SLC30A8: variants seen among roughly 807,000 people sequenced by gnomAD.
SLC30A8 encodes proton-coupled zinc antiporter SLC30A8.
SLC30A8 carries 27 observed loss-of-function variants against 36.9 expected under a neutral mutation model. The observed-to-expected ratio is 0.73, with a 90% CI of 0.54 to 1.01. The LOEUF is 1.01. Ranked by LOEUF, SLC30A8 falls within the 50% of genes least tolerant of loss-of-function variation. The pLI is 0.00. For synonymous variants in SLC30A8, 164 were observed against 172.4 expected (o/e 0.95, Z 0.38); for missense variants, 439 against 452.0 (o/e 0.97, Z 0.26).
At chr8:117,143,132 G>GAA in intron 1 of SLC30A8, among the ~76,000 whole-genome samples, 1 of 151,908 alleles carries the variant, frequency 6.6e-6, no homozygotes, top group East Asian at 1.9e-4. Context: ...TTATTTTGGA[G>GAA]ATAGAAGCAA....
chr8:117,003,225 C>T (rs1586384932), intron 1 of SLC30A8, among the ~76,000 whole-genome samples: 1 of 152,132 alleles, frequency 6.6e-6, no homozygotes, highest in East Asian at 1.9e-4. Flanking sequence ...TTTAAAATTT[C>T]CCATCAGAGC....
intron 2 of SLC30A8, among the ~76,000 whole-genome samples, chr8:117,051,729 T>G (rs934251613): frequency 1.3e-5 from 2 of 151,838 alleles, no homozygotes; most frequent in Non-Finnish European, 2.9e-5. Context: ...AGGAGAATGG[T>G]GTGAACCCGG....
intron 1 of SLC30A8, among the ~76,000 whole-genome samples, chr8:116,958,494 A>T (rs1814297946): frequency 6.6e-6 from 1 of 152,086 alleles, no homozygotes; most frequent in African/African-American, 2.4e-5. Context: ...TTTAAAGATG[A>T]TTCTTCACTG....
At chr8:117,137,997 C>T (rs1215450429) in intron 1 of SLC30A8, among the ~76,000 whole-genome samples, 3 of 149,410 alleles carry the variant, frequency 2.0e-5, no homozygotes, top group African/African-American at 4.9e-5. Context: ...ATTTTTTTAC[C>T]CTCTCCATTC....
intron 1 of SLC30A8, among the ~76,000 whole-genome samples, chr8:116,968,119 A>G (rs926037567): frequency 6.6e-6 from 1 of 152,194 alleles, no homozygotes; most frequent in Non-Finnish European, 1.5e-5. Context: ...TGGATTAGGA[A>G]GAACAAAGTA....
Position 117,153,003 on chromosome 8 carries a change from C to G in SLC30A8, c.331C>G (p.Leu111Val). Residue 111 changes from leucine to valine, a missense_variant, in exon 3 of 8, where the codon CTG becomes GTG. Physicochemically the swap from Leu to Val is conservative, Grantham distance 32. Transcript: ENST00000456015. ...VTDAAHLLID[L>V]TSFLLSLFSL... Reference sequence around the variant, plus strand: ...AGATGCTGCCCACCTCTTAATTGACCTGACCAGTTTCCTGCTCAGTCTCTT... The same window carrying G: ...AGATGCTGCCCACCTCTTAATTGACGTGACCAGTTTCCTGCTCAGTCTCTT... 4 of 1,613,604 alleles carry G rather than the reference C, an allele frequency of 2.5e-6. No homozygotes were observed. The highest frequency in any genetic ancestry group is 2.5e-6 in the Non-Finnish European group (3 of 1,179,656).
chr8:116,958,927 G>T (rs1017371157), intron 1 of SLC30A8, among the ~76,000 whole-genome samples: 8 of 127,772 alleles, frequency 6.3e-5, no homozygotes, highest in African/African-American at 1.8e-4. Flanking sequence ...TCGGCTCACT[G>T]CCACCTCCGC....
At chr8:117,032,283 T>C (rs1459449015) in intron 1 of SLC30A8, among the ~76,000 whole-genome samples, 2 of 152,242 alleles carry the variant, frequency 1.3e-5, no homozygotes, top group Admixed American at 6.5e-5. Context: ...TATCATCTGT[T>C]TTCTTAGCTA....
chr8:117,051,006 T>C (rs573342117), intron 2 of SLC30A8, among the ~76,000 whole-genome samples: 19 of 152,310 alleles, frequency 1.2e-4, no homozygotes, highest in African/African-American at 4.6e-4. Flanking sequence ...TTGTGGTGGA[T>C]GAAAGGTTCT....
At chr8:117,022,528 G>A (rs188071199) in intron 1 of SLC30A8, among the ~76,000 whole-genome samples, 1 of 152,274 alleles carries the variant, frequency 6.6e-6, no homozygotes, top group East Asian at 1.9e-4. Context: ...CCAAAACAGA[G>A]ATATAGACCA....
intron 1 of SLC30A8, among the ~76,000 whole-genome samples, chr8:117,143,153 C>T (rs954232108): frequency 1.3e-5 from 2 of 151,958 alleles, no homozygotes; most frequent in African/African-American, 4.8e-5. Flanking sequence ...AGTTCTACCA[C>T]TCAACAAAAA....
Position 116,963,941 on chromosome 8 carries a change from T to G in SLC30A8, c.-266+12822T>G, listed in dbSNP as rs148546550. ...TGGTAAATTATTCTCCCTACCAACT[T>G]CAAAAGATTGTTCTGAGGATTAATA... On this transcript the variant is annotated intron_variant, in intron 1 of 10. Transcript: ENST00000427715. Among the ~76,000 whole-genome samples the G allele has an allele frequency of 5.8e-4, 88 of 152,194 alleles. 1 individual carries two copies. Among genetic ancestry groups the G allele is most frequent in the African/African-American group, 2.1e-3 (87 of 41,442 alleles).
chr8:117,001,826 A>G (rs1563742446), intron 1 of SLC30A8, among the ~76,000 whole-genome samples: 1 of 152,220 alleles, frequency 6.6e-6, no homozygotes. Context: ...GCAGTCACCT[A>G]TTGTATTTAA....
chr8:116,961,433 CAAAT>C (rs1474406844), intron 1 of SLC30A8, among the ~76,000 whole-genome samples: 2 of 150,686 alleles, frequency 1.3e-5, no homozygotes, highest in East Asian at 1.9e-4. Context: ...CGTCTCAAAA[CAAAT>C]AAATAAATAA....
chr8:117,165,987 T>C (rs546065297), intron 6 of SLC30A8, among the ~76,000 whole-genome samples: 24 of 150,936 alleles, frequency 1.6e-4, no homozygotes, highest in African/African-American at 5.8e-4. Context: ...AGGGGAAGAG[T>C]AGGATAGGGA....
At chr8:117,026,007 G>A (rs746801294) in intron 1 of SLC30A8, among the ~76,000 whole-genome samples, 9 of 152,226 alleles carry the variant, frequency 5.9e-5, no homozygotes, top group Admixed American at 2.0e-4. Flanking sequence ...GCATTTGTTC[G>A]TAGCATGGAG....
At chr8:117,050,560 C>T (rs561228591) in intron 2 of SLC30A8, among the ~76,000 whole-genome samples, 1 of 152,048 alleles carries the variant, frequency 6.6e-6, no homozygotes, top group African/African-American at 2.4e-5. Flanking sequence ...CGAGCACCAC[C>T]GCGCTTGGCT....
At chr8:117,045,710 A>G (rs908140679) in intron 2 of SLC30A8, among the ~76,000 whole-genome samples, 1 of 152,222 alleles carries the variant, frequency 6.6e-6, no homozygotes, top group Non-Finnish European at 1.5e-5. Flanking sequence ...TGCTCGCAGC[A>G]GCAGTCCTTT....
intron 2 of SLC30A8, among the ~76,000 whole-genome samples, chr8:117,115,270 A>G (rs1022765943): frequency 2.6e-5 from 4 of 152,006 alleles, no homozygotes; most frequent in Non-Finnish European, 5.9e-5. Flanking sequence ...ATAGAAAACC[A>G]GCAGGAGGAA....
Sources: gnomAD v4.1 joint callset for allele counts (sites outside exome capture counted in the v4.1 genomes callset) on GRCh38, gnomAD v4.1.1 for gene constraint, MANE v1.5 for transcripts, NCBI Gene and HGNC (gene_info 2026-07-23, HGNC 2026-07-21) for gene names.